SLC2A9: variants seen among roughly 807,000 people sequenced by gnomAD.
SLC2A9 encodes solute carrier family 2 member 9.
Under a neutral mutation model 50.6 loss-of-function variants are expected in SLC2A9, and 39 were observed. That is an observed-to-expected ratio of 0.77 (90% CI 0.60 to 1.01). The LOEUF (loss-of-function observed/expected upper bound fraction) is 1.01, where lower values mean the gene tolerates loss of function less well. Among genes scored for constraint, SLC2A9 ranks in the 50% least tolerant of loss-of-function variants. The probability of loss-of-function intolerance (pLI) is 0.00; values close to 1 mark genes in which losing one functional copy is unlikely to be tolerated. For synonymous variants in SLC2A9, 324 were observed against 276.9 expected (o/e 1.17, Z -1.69); for missense variants, 686 against 677.6 (o/e 1.01, Z -0.14).
intron 10 of SLC2A9, among the ~76,000 whole-genome samples, chr4:9,882,521 A>G (rs1051425000): frequency 6.6e-6 from 1 of 152,054 alleles, no homozygotes; most frequent in Admixed American, 6.5e-5. Flanking sequence ...ATCCTGGCTA[A>G]CACAGTGAAA....
intron 5 of SLC2A9, among the ~76,000 whole-genome samples, chr4:9,956,214 T>G (rs1057318111): frequency 6.6e-6 from 1 of 151,206 alleles, no homozygotes; most frequent in East Asian, 2.0e-4. Context: ...CCGGGTGCAG[T>G]GGCTCACGCC....
At chr4:10,003,024 AG>A (rs763713643) in intron 2 of SLC2A9, among the ~76,000 whole-genome samples, 3 of 152,218 alleles carry the variant, frequency 2.0e-5, no homozygotes, top group East Asian at 3.9e-4. Context: ...ACAGCAAGAC[AG>A]GGGGTAGAGG....
chr4:9,894,024 C>T (rs1055809461), intron 8 of SLC2A9, among the ~76,000 whole-genome samples: 1 of 152,178 alleles, frequency 6.6e-6, no homozygotes, highest in Non-Finnish European at 1.5e-5. Context: ...GGGATAGATG[C>T]TGTTTTACAC....
intron 1 of SLC2A9, among the ~76,000 whole-genome samples, chr4:9,774,751 T>C (rs939754784): frequency 4.6e-5 from 7 of 152,068 alleles, no homozygotes; most frequent in African/African-American, 1.7e-4. Flanking sequence ...TCTTTTTCTT[T>C]CCTCTCCTTC....
At chr4:9,989,144 C>T (rs1757246245) in intron 3 of SLC2A9, among the ~76,000 whole-genome samples, 1 of 152,210 alleles carries the variant, frequency 6.6e-6, no homozygotes, top group Non-Finnish European at 1.5e-5. Flanking sequence ...AGCTTGAATT[C>T]CTTGGCTCAT....
chr4:9,894,297 C>T (rs1240148239), intron 8 of SLC2A9, among the ~76,000 whole-genome samples: 1 of 152,088 alleles, frequency 6.6e-6, no homozygotes, highest in Non-Finnish European at 1.5e-5. Flanking sequence ...TCTCAGGGTA[C>T]AATCTTAGGC....
intron 10 of SLC2A9, among the ~76,000 whole-genome samples, chr4:9,844,653 G>T (rs1728662636): frequency 6.6e-6 from 1 of 152,348 alleles, no homozygotes; most frequent in East Asian, 1.9e-4. Flanking sequence ...AGCTCAGCTG[G>T]TCTAACAACC....
rs1218731415 is a variant in SLC2A9, at chr4:9,864,365, G to A, written c.1291+23202C>T. Among the ~76,000 whole-genome samples, 3 of 152,220 alleles carry A rather than the reference G, an allele frequency of 2.0e-5. No individual in the cohort carries two copies. In the East Asian group the frequency reaches 5.8e-4, roughly 29 times the overall value. On this transcript the variant is annotated intron_variant, in intron 10 of 11. Coordinates refer to ENST00000264784, the MANE Select transcript of SLC2A9 (RefSeq NM_020041.3). The stretch of plus-strand genomic sequence containing the variant: ...TGACCTCCTGCAAGTGCCCAGAGCT[G>A]TAGAGCTGGAGGGGAGCTGCCCCAA...
At chr4:9,962,097 G>A (rs754820735) in intron 5 of SLC2A9, among the ~76,000 whole-genome samples, 8 of 152,218 alleles carry the variant, frequency 5.3e-5, no homozygotes, top group Admixed American at 6.5e-5. Context: ...GGAGAGATAC[G>A]AATGCTTTTA....
At chr4:9,879,931 C>T (rs1173419892) in intron 10 of SLC2A9, 8 of 985,294 alleles carry the variant, frequency 8.1e-6, no homozygotes, top group Non-Finnish European at 9.6e-6. Flanking sequence ...TTTGCTTTCA[C>T]CTAATTTCAA....
At chr4:10,031,412 G>A (rs1006441493) in intron 1 of SLC2A9, among the ~76,000 whole-genome samples, 6 of 152,300 alleles carry the variant, frequency 3.9e-5, no homozygotes, top group Non-Finnish European at 7.4e-5. Context: ...CATTATTTAC[G>A]GATCCAATCG....
chr4:9,904,997 C>T (rs1740364994), intron 8 of SLC2A9, among the ~76,000 whole-genome samples: 1 of 152,218 alleles, frequency 6.6e-6, no homozygotes, highest in Non-Finnish European at 1.5e-5. Flanking sequence ...GGTTCCTGGT[C>T]CCTGTCTCCA....
chr4:9,915,300 C>A (rs534476299), intron 7 of SLC2A9, among the ~76,000 whole-genome samples: 1 of 152,198 alleles, frequency 6.6e-6, no homozygotes, highest in South Asian at 2.1e-4. Context: ...TGCAATGGTG[C>A]GATCTCAGCT....
intron 2 of SLC2A9, among the ~76,000 whole-genome samples, chr4:10,006,024 C>A (rs541324807): frequency 6.6e-6 from 1 of 152,044 alleles, no homozygotes; most frequent in Non-Finnish European, 1.5e-5. Flanking sequence ...CAATAAAAAC[C>A]GGAAATTGGG....
chr4:9,813,460 C>T (rs1158738412), intron 3 of SLC2A9, among the ~76,000 whole-genome samples: 1 of 152,216 alleles, frequency 6.6e-6, no homozygotes, highest in African/African-American at 2.4e-5. Context: ...GCATCTGCAC[C>T]TGCCCTGGTC....
rs374198516 is a variant in SLC2A9, at chr4:9,931,944, C to CAATCTCTCTCTCTCTCAA, written c.814+9968_814+9969insTTGAGAGAGAGAGAGATT. Among the ~76,000 whole-genome samples, 102 of 52,516 alleles carry CAATCTCTCTCTCTCTCAA rather than the reference C, an allele frequency of 1.9e-3. 4 individuals carry two copies. Among genetic ancestry groups the CAATCTCTCTCTCTCTCAA allele is most frequent in the Non-Finnish European group, 2.5e-3 (74 of 29,906 alleles). The allele number at this position is 52,516 out of a possible 152,430, so 34.5% of individuals were successfully genotyped here. On this transcript the variant is annotated intron_variant, in intron 6 of 11. Coordinates refer to ENST00000264784, the MANE Select transcript of SLC2A9 (RefSeq NM_020041.3). Reference sequence around the variant, plus strand: ...TCTCTCTCTCTCTCTCTCTCTCTCTCTCTCTCTCTCTCTCTCTCTATATAT... The same window carrying CAATCTCTCTCTCTCTCAA: ...TCTCTCTCTCTCTCTCTCTCTCTCTCAATCTCTCTCTCTCTCAATCTCTCTCTCTCTCTCTCTATATAT...
chr4:9,996,012 G>T lies in SLC2A9; in HGVS notation c.410+769C>A, dbSNP rs1200825048. On this transcript the variant is annotated intron_variant, in intron 3 of 11. Coordinates refer to ENST00000264784, the MANE Select transcript of SLC2A9 (RefSeq NM_020041.3). ...CAAGAATACAGAGAAAGCATTGTTT[G>T]TGGGGATTCATTGATAAGTCAATCT... 2.0e-5 allele frequency: 3 copies of T among 152,702 alleles called. No homozygotes were observed. The East Asian group carries it at 5.8e-4, about 29-fold the overall frequency. 9.5% of individuals were successfully genotyped at this position (152,702 alleles called of 1,614,324 possible).
chr4:9,879,727 T>C (rs1734890564), intron 10 of SLC2A9: 1 of 985,402 alleles, frequency 1.0e-6, no homozygotes, highest in Non-Finnish European at 1.2e-6. Context: ...AGGACTTAAC[T>C]TGGTGCCAGG....
intron 5 of SLC2A9, among the ~76,000 whole-genome samples, chr4:9,977,349 T>A (rs960838330): frequency 2.0e-5 from 3 of 152,118 alleles, no homozygotes; most frequent in Non-Finnish European, 2.9e-5. Flanking sequence ...ATTTGTAATG[T>A]CTCTTGAAAA....
Sources: allele counts gnomAD v4.1 joint callset (sites outside exome capture counted in the v4.1 genomes callset), GRCh38; gene constraint gnomAD v4.1.1; transcripts MANE v1.5; gene names NCBI Gene and HGNC (gene_info 2026-07-23, HGNC 2026-07-21).